The following DPP10 variants were observed in gnomAD, a reference collection of about 807,000 sequenced individuals.
DPP10 encodes inactive dipeptidyl peptidase 10.
In DPP10, 33 loss-of-function variants were observed where a neutral mutation model predicts 120.9. The observed-to-expected ratio is 0.27, with a 90% CI of 0.21 to 0.37. The LOEUF is 0.37. Among genes scored for constraint, DPP10 ranks in the 10% least tolerant of loss-of-function variants. DPP10 has a pLI of 1.00. For synonymous variants in DPP10, 337 were observed against 326.1 expected, an observed-to-expected ratio of 1.03 and a Z score of -0.36; for missense variants, 816 against 942.8, an observed-to-expected ratio of 0.87 and a Z score of 1.76.
intron 1 of DPP10, among the ~76,000 whole-genome samples, chr2:114,761,443 C>T (rs955953564): frequency 7.9e-5 from 12 of 152,102 alleles, no homozygotes; most frequent in Admixed American, 7.2e-4. Flanking sequence ...TAAAGAGACT[C>T]GCTCGTATGC....
chr2:115,668,963 C>A (rs2089667928), intron 5 of DPP10, among the ~76,000 whole-genome samples: 1 of 152,020 alleles, frequency 6.6e-6, no homozygotes, highest in Admixed American at 6.6e-5. Flanking sequence ...AATCTGTGCC[C>A]AGAATGTATT....
intron 1 of DPP10, among the ~76,000 whole-genome samples, chr2:115,209,076 C>T (rs776415719): frequency 6.6e-6 from 1 of 152,040 alleles, no homozygotes; most frequent in Non-Finnish European, 1.5e-5. Flanking sequence ...GGGTACTCAG[C>T]TCTGAAGCAT....
intron 2 of DPP10, among the ~76,000 whole-genome samples, chr2:115,317,632 CTTT>C (rs148408128): frequency 2.3e-5 from 3 of 133,296 alleles, no homozygotes; most frequent in Non-Finnish European, 1.6e-5. Context: ...TTGTTCTTTT[CTTT>C]TTTTTTTTTT....
intron 1 of DPP10, among the ~76,000 whole-genome samples, chr2:114,480,056 G>C (rs1452148033): frequency 1.3e-5 from 2 of 152,216 alleles, no homozygotes; most frequent in African/African-American, 4.8e-5. Context: ...CGAAGGATAT[G>C]AACAGACATT....
At chr2:115,172,105 G>A (rs942271691) in intron 1 of DPP10, among the ~76,000 whole-genome samples, 1 of 152,210 alleles carries the variant, frequency 6.6e-6, no homozygotes, top group Admixed American at 6.5e-5. Flanking sequence ...GCAATTGGGT[G>A]AATCCCTCCT....
rs188052457 is a variant in DPP10, at chr2:114,887,012, G to T, written c.61-422227G>T. On this transcript the variant is annotated intron_variant, in intron 1 of 25. Transcript: ENST00000410059. ...TTATTTGTTATATTTTGCTTTAATT[G>T]CCATCCACTGTAGTCTTTTTTAACT... Among the ~76,000 whole-genome samples, 14 of 152,224 alleles carry T rather than the reference G, an allele frequency of 9.2e-5. No individual in the cohort carries two copies. In the East Asian group the frequency reaches 2.7e-3, roughly 29 times the overall value.
chr2:114,882,904 T>C (rs1283380756), intron 1 of DPP10, among the ~76,000 whole-genome samples: 4 of 152,212 alleles, frequency 2.6e-5, no homozygotes, highest in African/African-American at 7.2e-5. Flanking sequence ...ACAATTTCTA[T>C]AGTTTACTTT....
intron 1 of DPP10, among the ~76,000 whole-genome samples, chr2:115,192,449 C>T (rs1019711071): frequency 2.6e-5 from 4 of 152,224 alleles, no homozygotes; most frequent in African/African-American, 9.6e-5. Flanking sequence ...ACTCTGAGGA[C>T]TGCATCACAC....
chr2:115,248,513 G>T (rs1027302887), intron 1 of DPP10, among the ~76,000 whole-genome samples: 2 of 151,990 alleles, frequency 1.3e-5, no homozygotes, highest in Non-Finnish European at 2.9e-5. Flanking sequence ...CTACCAATTG[G>T]AGTAACCTGC....
intron 1 of DPP10, among the ~76,000 whole-genome samples, chr2:114,576,384 T>A (rs1279576179): frequency 6.6e-6 from 1 of 152,194 alleles, no homozygotes; most frequent in Non-Finnish European, 1.5e-5. Flanking sequence ...AGTACTGGAA[T>A]TTAATGAGAG....
intron 1 of DPP10, among the ~76,000 whole-genome samples, chr2:114,474,070 G>A (rs994834429): frequency 4.6e-5 from 7 of 152,062 alleles, no homozygotes; most frequent in Admixed American, 1.3e-4. Context: ...CTATTCTCCC[G>A]CCTCAGCCTC....
At chr2:115,753,148 A>T in intron 10 of DPP10, 26 bp from the exon 11 acceptor site, 1 of 1,603,708 alleles carries the variant, frequency 6.2e-7, no homozygotes, top group Non-Finnish European at 8.5e-7. Context: ...CTCTAAACAT[A>T]CATTTTAATT....
chr2:115,337,829 G>T (rs1462227095), intron 2 of DPP10, among the ~76,000 whole-genome samples: 2 of 151,516 alleles, frequency 1.3e-5, no homozygotes, highest in Admixed American at 1.3e-4. Context: ...TTTAAGGAAA[G>T]GAACAAAGAA....
At chr2:115,286,526 A>ATATATATATATAT (rs10675008) in intron 1 of DPP10, among the ~76,000 whole-genome samples, 4,023 of 60,420 alleles carry the variant, frequency 0.067, 499 homozygotes, top group Non-Finnish European at 0.093. Context: ...ATATATATAT[A>ATATATATATATAT]ATATATATAT....
At chr2:115,822,353 T>C (rs956873244) in intron 21 of DPP10, among the ~76,000 whole-genome samples, 5 of 151,950 alleles carry the variant, frequency 3.3e-5, no homozygotes, top group African/African-American at 4.8e-5. Context: ...TAACATCAGA[T>C]AGTAGTGTCT....
At position 115,831,330 on chromosome 2, in the gene DPP10, C is replaced by A. The variant is rs752385053; in HGVS notation, c.1951-4827C>A. Among the ~76,000 whole-genome samples the A allele has an allele frequency of 2.4e-4, 36 of 152,088 alleles. 1 individual carries two copies. Among genetic ancestry groups the A allele is most frequent in the Admixed American group, 4.6e-4 (7 of 15,264 alleles). The stretch of plus-strand genomic sequence containing the variant: ...GTGGCGCGATTTCAGCTCACTGCAA[C>A]CTCTGCCTCCTGGGTTCAAGCAATT... On this transcript the variant is annotated intron_variant, in intron 21 of 25. Coordinates refer to ENST00000410059, the MANE Select transcript of DPP10 (RefSeq NM_020868.6).
At chr2:115,611,916 A>G (rs2084131087) in intron 5 of DPP10, among the ~76,000 whole-genome samples, 1 of 152,134 alleles carries the variant, frequency 6.6e-6, no homozygotes. Context: ...TTGAATAGAG[A>G]GAGAAGGTGA....
chr2:115,230,635 A>G (rs13032365), intron 1 of DPP10, among the ~76,000 whole-genome samples: 11,733 of 152,076 alleles, frequency 0.077, 551 homozygotes, highest in East Asian at 0.2. Flanking sequence ...AATTGTAATA[A>G]GTATTGCATT....
Position 115,754,527 on chromosome 2 carries a change from C to T in DPP10, c.1074+1230C>T, listed in dbSNP as rs182714857. ...GAAAGAAAGCACATTAGAAGTAGGG[C>T]TAGTCTAGACACCTTCTAATCACCT... On this transcript the variant is annotated intron_variant, in intron 11 of 25. Transcript: ENST00000410059. Among the ~76,000 whole-genome samples the T allele has an allele frequency of 1.4e-4, 21 of 152,226 alleles. 1 individual carries two copies. The East Asian group carries it at 3.7e-3, about 27-fold the overall frequency.
Sources: gnomAD v4.1 joint callset for allele counts (sites outside exome capture counted in the v4.1 genomes callset) on GRCh38, gnomAD v4.1.1 for gene constraint, MANE v1.5 for transcripts, NCBI Gene and HGNC (gene_info 2026-07-23, HGNC 2026-07-21) for gene names.